Variants in TAF8 observed in about 807,000 individuals in gnomAD.
TAF8 encodes TATA-box binding protein associated factor 8.
In TAF8, 47 loss-of-function variants were observed where a neutral mutation model predicts 36.5. The ratio of observed to expected loss-of-function variants is 1.29; its 90% CI spans 1.02 to 1.64. TAF8 has a LOEUF of 1.64. Ranked by LOEUF, TAF8 falls within the 40% of genes most tolerant of loss-of-function variation. The probability of loss-of-function intolerance (pLI) is 0.00; values close to 1 mark genes in which losing one functional copy is unlikely to be tolerated. For synonymous variants in TAF8, 175 were observed against 159.5 expected (o/e 1.10, Z -0.73); for missense variants, 420 against 407.6 (o/e 1.03, Z -0.26).
intron 7 of TAF8, 148 bp from the exon 8 acceptor site, chr6:42,076,952 A>G (rs949553157): frequency 2.0e-6 from 2 of 1,020,486 alleles, no homozygotes; most frequent in Non-Finnish European, 2.8e-6. Flanking sequence ...TCCTCGCTTC[A>G]TCGGGGCAGA....
chr6:42,053,355 G>A (rs909875472), intron 2 of TAF8, among the ~76,000 whole-genome samples: 3 of 152,144 alleles, frequency 2.0e-5, no homozygotes, highest in African/African-American at 7.2e-5. Context: ...CTGAGGTCAG[G>A]AGTTTCAAGA....
chr6:42,079,287 A>G lies in TAF8; in HGVS notation c.*1742A>G. 4.1e-6 allele frequency: 4 copies of G among 985,546 alleles called. No individual in the cohort carries two copies. The highest frequency in any genetic ancestry group is 4.8e-6 in the Non-Finnish European group (4 of 829,972). The allele number at this position is 985,546 out of a possible 1,614,324, so 61.1% of individuals were successfully genotyped here. On this transcript the variant is annotated 3_prime_UTR_variant, in exon 9 of 9. Coordinates refer to ENST00000372977, the MANE Select transcript of TAF8 (RefSeq NM_138572.3). ...GTGAGCCAAGCTGAGGCGTTCTGCA[A>G]GAAGCAGGTCTGAGTCTGTCCAACC...
downstream of TAF8, among the ~76,000 whole-genome samples, chr6:42,085,763 T>C (rs533951220): frequency 5.9e-5 from 9 of 152,296 alleles, no homozygotes; most frequent in African/African-American, 1.2e-4. Flanking sequence ...GGTGGGTGGA[T>C]CACTTGAGGT....
chr6:42,075,691 C>T (rs1765722181), intron 7 of TAF8, among the ~76,000 whole-genome samples: 1 of 152,190 alleles, frequency 6.6e-6, no homozygotes, highest in Non-Finnish European at 1.5e-5. Context: ...TTCCCCTTGG[C>T]CCATCACCAG....
At chr6:42,086,784 G>A (rs765022695), downstream of TAF8, 63 of 1,543,500 alleles carry the variant, frequency 4.1e-5, no homozygotes, top group South Asian at 1.8e-4. Flanking sequence ...CAAGGAGATC[G>A]GTCACCAGGA....
At chr6:42,060,803 G>A (rs1765164631) in intron 5 of TAF8, among the ~76,000 whole-genome samples, 1 of 152,120 alleles carries the variant, frequency 6.6e-6, no homozygotes, top group Admixed American at 6.5e-5. Context: ...GATTCTTATT[G>A]CACTTATGCA....
rs1038820776 is a variant in TAF8, at chr6:42,079,853, C to G, written c.*2308C>G. 2.0e-6 allele frequency: 2 copies of G among 985,180 alleles called. No individual in the cohort carries two copies. The highest frequency in any genetic ancestry group is 3.5e-5 in the African/African-American group (2 of 57,172). The allele number at this position is 985,180 out of a possible 1,614,324, so 61.0% of individuals were successfully genotyped here. On this transcript the variant is annotated 3_prime_UTR_variant, in exon 9 of 9. Transcript: ENST00000372977. ...ACAGGCGTGAGCCACGGTGCCCAGC[C>G]CATCTCTTAGTCTTCCATTCCCTTG... is the stretch of plus-strand genomic sequence containing the variant.
rs78487662 is a variant in TAF8 at position 42,078,512 on chromosome 6, C to T, written c.*967C>T. 0.018 allele frequency: 17,763 copies of T among 985,478 alleles called. 210 individuals carry two copies. The highest frequency in any genetic ancestry group is 0.02 in the Non-Finnish European group (16,541 of 829,948). The allele number at this position is 985,478 out of a possible 1,614,324, so 61.0% of individuals were successfully genotyped here. A position where few individuals can be genotyped will look rare whatever the true frequency, so the allele number is the denominator to read the frequency against. ...AGTTCTTTGTACTCCCTCAACGTGT[C>T]GGAAACAGGAGGCCACACAGCACAG... On this transcript the variant is annotated 3_prime_UTR_variant, in exon 9 of 9. Coordinates refer to ENST00000372977, the MANE Select transcript of TAF8 (RefSeq NM_138572.3).
chr6:42,077,965 A>G lies in TAF8; in HGVS notation c.*420A>G. 4.5e-6 allele frequency: 1 copy of G among 220,472 alleles called. No homozygotes were observed. The highest frequency in any genetic ancestry group is 8.2e-6 in the Non-Finnish European group (1 of 121,736). The allele number at this position is 220,472 out of a possible 1,614,324, so 13.7% of individuals were successfully genotyped here. A position where few individuals can be genotyped will look rare whatever the true frequency, so the allele number is the denominator to read the frequency against. On this transcript the variant is annotated 3_prime_UTR_variant, in exon 9 of 9. Coordinates refer to ENST00000372977, the MANE Select transcript of TAF8 (RefSeq NM_138572.3). ...GAGATAGGGTTTCGCCATGTTGGCC[A>G]GGCTGGTCTTGAACTCCTGACCTCA...
In TAF8 at chr6:42,079,062, C is replaced by T; in HGVS notation, c.*1517C>T. On this transcript the variant is annotated 3_prime_UTR_variant, in exon 9 of 9. Transcript: ENST00000372977. Reference sequence around the variant, plus strand: ...ACTTGAACCTGGGAGGCGGAGGTTGCAGTGAGCCGAGATCGTGCCACTGCA... The same window carrying T: ...ACTTGAACCTGGGAGGCGGAGGTTGTAGTGAGCCGAGATCGTGCCACTGCA... 1 of 702,352 alleles carries T rather than the reference C, an allele frequency of 1.4e-6. No homozygotes were observed. Among genetic ancestry groups the T allele is most frequent in the Non-Finnish European group, 1.7e-6 (1 of 571,834 alleles). 43.5% of individuals were successfully genotyped at this position (702,352 alleles called of 1,614,324 possible). A position where few individuals can be genotyped will look rare whatever the true frequency, so the allele number is the denominator to read the frequency against.
At chr6:42,071,258 G>GGAAT (rs1054755183) in intron 7 of TAF8, 19 of 181,292 alleles carry the variant, frequency 1.0e-4, no homozygotes, top group African/African-American at 4.7e-4. Context: ...GGTTGCTAGT[G>GGAAT]GAATATGCCT....
chr6:42,084,839 G>T (rs9357387), downstream of TAF8, among the ~76,000 whole-genome samples: 84,441 of 152,052 alleles, frequency 0.56, 24,092 homozygotes, highest in East Asian at 0.65. Context: ...GTACATTGTG[G>T]GAGGTCACCA....
At chr6:42,064,295 C>G (rs1765282498) in intron 5 of TAF8, among the ~76,000 whole-genome samples, 2 of 152,198 alleles carry the variant, frequency 1.3e-5, no homozygotes, top group South Asian at 4.2e-4. Context: ...CTCAGTCCCC[C>G]AGGCTGGAGT....
In TAF8 at chr6:42,077,009, A is replaced by G. The variant is rs145092824; in HGVS notation, c.781-91A>G. Reference sequence around the variant, plus strand: ...GTGCTTCCCAGGTTCTAATTTCTCAATTAGAGGATGCTAATGGTCATTCCA... The same window carrying G: ...GTGCTTCCCAGGTTCTAATTTCTCAGTTAGAGGATGCTAATGGTCATTCCA... On this transcript the variant is annotated intron_variant, in intron 7 of 8. Transcript: ENST00000372977. The G allele has an allele frequency of 5.0e-4, 735 of 1,457,336 alleles. 7 individuals are homozygous for G. The African/African-American group carries it at 8.2e-3, about 16-fold the overall frequency. The allele number at this position is 1,457,336 out of a possible 1,614,324, so 90.3% of individuals were successfully genotyped here. A position where few individuals can be genotyped will look rare whatever the true frequency, so the allele number is the denominator to read the frequency against.
intron 5 of TAF8, among the ~76,000 whole-genome samples, chr6:42,062,170 A>G (rs1434305860): frequency 6.6e-6 from 1 of 152,172 alleles, no homozygotes; most frequent in East Asian, 1.9e-4. Flanking sequence ...GTACTAGCGC[A>G]TCTTTAATGT....
At chr6:42,086,287 T>C (rs183669926), downstream of TAF8, among the ~76,000 whole-genome samples, 1 of 152,364 alleles carries the variant, frequency 6.6e-6, no homozygotes, top group Admixed American at 6.5e-5. Flanking sequence ...TTTTACACTT[T>C]TGCCAATCTG....
chr6:42,050,765 T>C (rs998379525), intron 1 of TAF8, 179 bp downstream of exon 1: 13 of 955,260 alleles, frequency 1.4e-5, no homozygotes, highest in Non-Finnish European at 1.5e-6. Flanking sequence ...CCTCCGGAGT[T>C]GGCGGACCTG....
At chr6:42,069,496 A>G (rs539161951) in intron 7 of TAF8, among the ~76,000 whole-genome samples, 1 of 152,306 alleles carries the variant, frequency 6.6e-6, no homozygotes, top group Non-Finnish European at 1.5e-5. Flanking sequence ...AGAGTTAAAG[A>G]AAACGGTAAG....
chr6:42,076,071 G>A (rs937486574), intron 7 of TAF8, among the ~76,000 whole-genome samples: 20 of 152,036 alleles, frequency 1.3e-4, no homozygotes, highest in Non-Finnish European at 4.4e-5. Context: ...AGCGGGATGT[G>A]GTGGCAGGCA....
Sources: gnomAD v4.1 joint callset for allele counts (sites outside exome capture counted in the v4.1 genomes callset) on GRCh38, gnomAD v4.1.1 for gene constraint, MANE v1.5 for transcripts, NCBI Gene and HGNC (gene_info 2026-07-23, HGNC 2026-07-21) for gene names.